Variants in SUPT3H observed in about 807,000 individuals in gnomAD.
SUPT3H encodes the protein SPT3 homolog, SAGA and STAGA complex component.
In SUPT3H, 44 loss-of-function variants were observed where a neutral mutation model predicts 44.3. The observed-to-expected ratio is 0.99, with a 90% CI of 0.78 to 1.28. The LOEUF (loss-of-function observed/expected upper bound fraction) is 1.28. Among genes scored for constraint, SUPT3H ranks in the 50% most tolerant of loss-of-function variants. The probability of loss-of-function intolerance (pLI) is 0.00; values close to 1 mark genes in which losing one functional copy is unlikely to be tolerated. For missense variants in SUPT3H, 380 were observed against 387.1 expected (o/e 0.98, Z 0.15); for synonymous variants, 124 against 125.6 (o/e 0.99, Z 0.09).
At chr6:45,289,294 A>G (rs1410170371) in intron 2 of SUPT3H, among the ~76,000 whole-genome samples, 2 of 152,152 alleles carry the variant, frequency 1.3e-5, no homozygotes, top group African/African-American at 4.8e-5. Context: ...ATAAAAAAGA[A>G]CCGTAAGAAG....
At chr6:44,901,185 C>T (rs1177662942) in intron 10 of SUPT3H, among the ~76,000 whole-genome samples, 6 of 152,146 alleles carry the variant, frequency 3.9e-5, no homozygotes, top group African/African-American at 1.4e-4. Context: ...ATGACTTTGA[C>T]AAGTTGAGAG....
intron 2 of SUPT3H, among the ~76,000 whole-genome samples, chr6:45,325,054 CAA>C (rs781538420): frequency 6.6e-6 from 1 of 151,158 alleles, no homozygotes; most frequent in East Asian, 1.9e-4. Context: ...GAAAAATTGT[CAA>C]AAAAAAGTAA....
chr6:45,081,438 G>A (rs1795798550), intron 3 of SUPT3H, among the ~76,000 whole-genome samples: 2 of 151,952 alleles, frequency 1.3e-5, no homozygotes, highest in African/African-American at 2.4e-5. Flanking sequence ...TTCCTTCATA[G>A]TAGTTAACAC....
intron 2 of SUPT3H, among the ~76,000 whole-genome samples, chr6:45,179,207 T>TA (rs2153612108): frequency 6.6e-6 from 1 of 152,192 alleles, no homozygotes; most frequent in East Asian, 1.9e-4. Context: ...AACAGACCAA[T>TA]AACAGGAGCT....
intron 2 of SUPT3H, among the ~76,000 whole-genome samples, chr6:45,109,230 A>G (rs922697212): frequency 2.0e-5 from 3 of 152,162 alleles, no homozygotes; most frequent in Admixed American, 1.3e-4. Flanking sequence ...AATAAAAAGC[A>G]AACTCCACAA....
intron 2 of SUPT3H, among the ~76,000 whole-genome samples, chr6:45,305,175 C>T (rs531491657): frequency 8.5e-5 from 13 of 152,302 alleles, no homozygotes; most frequent in South Asian, 6.2e-4. Context: ...CTACCTCAAA[C>T]GAAAAACATC....
At chr6:44,889,884 A>G (rs1762999448) in intron 10 of SUPT3H, among the ~76,000 whole-genome samples, 1 of 152,158 alleles carries the variant, frequency 6.6e-6, no homozygotes, top group African/African-American at 2.4e-5. Context: ...GCTAATATCC[A>G]GAATCTACAA....
chr6:45,088,442 T>C (rs1796741355), intron 3 of SUPT3H, among the ~76,000 whole-genome samples: 1 of 152,034 alleles, frequency 6.6e-6, no homozygotes, highest in Non-Finnish European at 1.5e-5. Context: ...CATTGGCAAA[T>C]AATGTAGACC....
intron 10 of SUPT3H, among the ~76,000 whole-genome samples, chr6:44,901,093 G>T (rs931359269): frequency 7.2e-5 from 11 of 152,196 alleles, no homozygotes; most frequent in Middle Eastern, 3.4e-3. Context: ...CAGAAAAACT[G>T]GAAACTCTAA....
rs75846575 is a variant in SUPT3H at position 44,927,771 on chromosome 6, G to A, written c.912+4882C>T. On this transcript the variant is annotated intron_variant, in intron 10 of 10. Transcript: ENST00000371459. ...TTTACATGGTATTTAAATTTCAATG[G>A]TACAAACTATTAGTCCATAAACAAA... 1.3e-3 allele frequency among the ~76,000 whole-genome samples: 191 copies of A among 152,104 alleles called. 1 individual carries two copies. The highest frequency in any genetic ancestry group is 8.3e-3 in the South Asian group (40 of 4,824).
At chr6:45,327,067 C>A (rs1351966743) in intron 2 of SUPT3H, among the ~76,000 whole-genome samples, 1 of 151,904 alleles carries the variant, frequency 6.6e-6, no homozygotes, top group Non-Finnish European at 1.5e-5. Flanking sequence ...AAATTCACTG[C>A]CTATGATATA....
intron 6 of SUPT3H, among the ~76,000 whole-genome samples, chr6:44,994,153 G>A (rs16873022): frequency 0.01 from 1,540 of 151,940 alleles, 36 homozygotes; most frequent in African/African-American, 0.036. Context: ...CTTTTGATTG[G>A]TCAGTTATTA....
intron 2 of SUPT3H, among the ~76,000 whole-genome samples, chr6:45,176,392 G>C (rs1165217379): frequency 6.6e-6 from 1 of 152,124 alleles, no homozygotes; most frequent in Non-Finnish European, 1.5e-5. Context: ...CGAACCATGA[G>C]ATTATATCTC....
At chr6:44,987,932 A>G (rs1288780298) in intron 6 of SUPT3H, among the ~76,000 whole-genome samples, 1 of 152,090 alleles carries the variant, frequency 6.6e-6, no homozygotes, top group East Asian at 1.9e-4. Context: ...ACCACGGGAG[A>G]ATGGGTACAC....
intron 2 of SUPT3H, among the ~76,000 whole-genome samples, chr6:45,119,979 A>C (rs1397910439): frequency 1.3e-5 from 2 of 152,132 alleles, no homozygotes; most frequent in African/African-American, 2.4e-5. Flanking sequence ...CATAATACAT[A>C]CTGAGGATTT....
intron 2 of SUPT3H, among the ~76,000 whole-genome samples, chr6:45,267,334 A>T (rs1775419720): frequency 1.3e-5 from 2 of 152,204 alleles, no homozygotes; most frequent in African/African-American, 4.8e-5. Flanking sequence ...TCTTCAATCT[A>T]TTCCTTTTAT....
At chr6:45,282,950 A>T (rs1778443913) in intron 2 of SUPT3H, among the ~76,000 whole-genome samples, 1 of 152,202 alleles carries the variant, frequency 6.6e-6, no homozygotes, top group African/African-American at 2.4e-5. Context: ...TAAGGAAAAG[A>T]ATTTTTAACC....
chr6:45,015,119 G>C lies in SUPT3H; in HGVS notation c.274-228C>G, dbSNP rs78420748. Among the ~76,000 whole-genome samples, 748 of 152,176 alleles carry C rather than the reference G, an allele frequency of 4.9e-3. 13 individuals carry two copies. The highest frequency in any genetic ancestry group is 0.042 in the East Asian group (218 of 5,172). ...CATTTACAAATATTCGGATGTTCCA[G>C]AATCACAATACTCACACATTGCTTA... On this transcript the variant is annotated intron_variant, in intron 4 of 10. Coordinates refer to ENST00000371459, the MANE Select transcript of SUPT3H (RefSeq NM_003599.4).
At chr6:44,945,693 TA>T (rs200706543) in intron 9 of SUPT3H, among the ~76,000 whole-genome samples, 2,977 of 152,228 alleles carry the variant, frequency 0.02, 58 homozygotes, top group South Asian at 0.092. Flanking sequence ...AAAGAAAAGT[TA>T]GAGGCTACCA....
Sources: gnomAD v4.1 joint callset for allele counts (sites outside exome capture counted in the v4.1 genomes callset) on GRCh38, gnomAD v4.1.1 for gene constraint, MANE v1.5 for transcripts, NCBI Gene and HGNC (gene_info 2026-07-23, HGNC 2026-07-21) for gene names.